The following MROH1 variants were observed in gnomAD, a reference collection of about 807,000 sequenced individuals.
The protein encoded by MROH1 is maestro heat like repeat family member 1, also known as maestro heat-like repeat-containing protein family member 1.
A neutral mutation model predicts 116.5 loss-of-function variants in MROH1; 117 were observed. The observed-to-expected ratio is 1.00, with a 90% CI of 0.86 to 1.17. The LOEUF (loss-of-function observed/expected upper bound fraction) is 1.17. Among genes scored for constraint, MROH1 ranks in the 50% most tolerant of loss-of-function variants. The probability of loss-of-function intolerance (pLI) is 0.00; values close to 1 mark genes in which losing one functional copy is unlikely to be tolerated. For missense variants in MROH1, 1,873 were observed against 1,338.5 expected, an observed-to-expected ratio of 1.40 and a Z score of -6.23; for synonymous variants, 921 against 583.9, an observed-to-expected ratio of 1.58 and a Z score of -8.32.
chr8:144,219,985 G>C (rs142312717), intron 12 of MROH1, among the ~76,000 whole-genome samples: 3 of 152,214 alleles, frequency 2.0e-5, no homozygotes, highest in Non-Finnish European at 4.4e-5. Context: ...AAGGACTGTC[G>C]TGTGGGACAG....
intron 10 of MROH1, chr8:144,192,898 C>A (rs779882290): frequency 3.2e-6 from 1 of 311,302 alleles, no homozygotes; most frequent in Non-Finnish European, 6.2e-6. Flanking sequence ...CTGAGGGATG[C>A]AGGTGCCGGG....
intron 33 of MROH1, 75 bp from the exon 34 acceptor site, chr8:144,254,738 C>T: frequency 1.4e-6 from 1 of 703,320 alleles, no homozygotes; most frequent in Non-Finnish European, 2.6e-6. Flanking sequence ...AGCCAGGGTC[C>T]ACGGCACCCA....
At chr8:144,238,960 T>C (rs1384364740) in intron 15 of MROH1, 75 bp from the exon 16 acceptor site, 8 of 770,344 alleles carry the variant, frequency 1.0e-5, no homozygotes, top group Non-Finnish European at 1.9e-5. Flanking sequence ...GTCTCCACCT[T>C]GGAGCTCCGG....
intron 14 of MROH1, among the ~76,000 whole-genome samples, chr8:144,233,128 C>T (rs142013805): frequency 6.6e-6 from 1 of 152,128 alleles, no homozygotes. Context: ...CAGCACCTGG[C>T]CATGATTGCT....
chr8:144,158,676 T>A (rs1034327987), intron 1 of MROH1, among the ~76,000 whole-genome samples: 1 of 152,210 alleles, frequency 6.6e-6, no homozygotes, highest in African/African-American at 2.4e-5. Flanking sequence ...TATCTTTCTC[T>A]TATTGATATA....
chr8:144,243,829 T>C, intron 25 of MROH1, 34 bp from the exon 26 acceptor site: 1 of 768,192 alleles, frequency 1.3e-6, no homozygotes. Context: ...TGGCGTTTCC[T>C]CCAAGGGCTG....
chr8:144,180,345 G>A lies in MROH1; in HGVS notation c.463+5G>A. 6.2e-7 allele frequency: 1 copy of A among 1,604,896 alleles called. No individual in the cohort carries two copies. Among genetic ancestry groups the A allele is most frequent in the Middle Eastern group, 1.7e-4 (1 of 6,052 alleles). On this transcript the variant is annotated splice_donor_5th_base_variant and intron_variant, in intron 6 of 43. Coordinates refer to ENST00000326134, the MANE Select transcript of MROH1 (RefSeq NM_032450.3). The surrounding 1 kb of genome is among the most constrained non-coding windows in gnomAD (Gnocchi z 7.4). ...CCAGCCTCTCGGTGGCCAACGGTAG[G>A]TGACGCGCGGCCTGCCCCAGGAGGA...
chr8:144,241,193 C>G, intron 21 of MROH1, 82 bp downstream of exon 21: 1 of 709,426 alleles, frequency 1.4e-6, no homozygotes, highest in Non-Finnish European at 2.6e-6. Flanking sequence ...AGGCAGCTGG[C>G]TAGCCTGTGT....
chr8:144,154,920 G>A (rs1817683164), intron 1 of MROH1, among the ~76,000 whole-genome samples: 1 of 152,118 alleles, frequency 6.6e-6, no homozygotes, highest in South Asian at 2.1e-4. Flanking sequence ...CTGGGTTCAA[G>A]CAATTCTCTG....
intron 39 of MROH1, 137 bp downstream of exon 39, chr8:144,260,511 G>T: frequency 1.4e-6 from 1 of 716,194 alleles, no homozygotes; most frequent in African/African-American, 1.7e-5. Context: ...GACCTGCAGG[G>T]CTGCTGCTTT....
intron 14 of MROH1, among the ~76,000 whole-genome samples, chr8:144,235,174 G>T (rs1233320485): frequency 6.6e-6 from 1 of 152,190 alleles, no homozygotes; most frequent in Non-Finnish European, 1.5e-5. Flanking sequence ...AGGATTACAG[G>T]CATAAGCCAC....
At chr8:144,190,426 A>T (rs1436667540) in intron 7 of MROH1, among the ~76,000 whole-genome samples, 1 of 152,168 alleles carries the variant, frequency 6.6e-6, no homozygotes, top group South Asian at 2.1e-4. Context: ...AGGCTAAGGC[A>T]GGAGAATTGC....
At chr8:144,223,949 T>G (rs2132454055) in intron 14 of MROH1, among the ~76,000 whole-genome samples, 2 of 152,300 alleles carry the variant, frequency 1.3e-5, no homozygotes, top group South Asian at 4.1e-4. Context: ...CTGAGCTCAG[T>G]GACTGCATGC....
intron 29 of MROH1, among the ~76,000 whole-genome samples, chr8:144,246,126 T>C (rs1841887654): frequency 6.8e-6 from 1 of 146,800 alleles, no homozygotes; most frequent in Non-Finnish European, 1.5e-5. Flanking sequence ...CTTTCCTTTC[T>C]GAGACCGAGT....
At chr8:144,230,853 C>T (rs1838740959) in intron 14 of MROH1, among the ~76,000 whole-genome samples, 2 of 123,090 alleles carry the variant, frequency 1.6e-5, no homozygotes, top group Non-Finnish European at 3.2e-5. Context: ...GTGTTTCTCG[C>T]AGAGGGGGAT....
chr8:144,194,948 GA>G (rs1307189770), intron 10 of MROH1, among the ~76,000 whole-genome samples: 1 of 151,372 alleles, frequency 6.6e-6, no homozygotes, highest in Non-Finnish European at 1.5e-5. Context: ...CCAGTTACAA[GA>G]CCAACCTACA....
chr8:144,167,617 A>T (rs1362095003), intron 3 of MROH1, among the ~76,000 whole-genome samples: 2 of 152,080 alleles, frequency 1.3e-5, no homozygotes, highest in Non-Finnish European at 2.9e-5. Flanking sequence ...CAGTTGGCAC[A>T]AGTCCCTGGG....
rs1380428164 is a variant in MROH1, at chr8:144,247,557, C to T, written c.3008-10C>T. ...CCTGGGCCCGACTGCTCATTCCTGCCGCCTCTCAGGCTTCTCCCGGGACTA... is the reference window on the plus strand; with the variant it reads ...CCTGGGCCCGACTGCTCATTCCTGCTGCCTCTCAGGCTTCTCCCGGGACTA... On this transcript the variant is annotated splice_polypyrimidine_tract_variant and intron_variant, in intron 30 of 43. Coordinates refer to ENST00000326134, the MANE Select transcript of MROH1 (RefSeq NM_032450.3). The T allele has an allele frequency of 1.6e-5, 12 of 771,786 alleles. No individual in the cohort carries two copies. Among genetic ancestry groups the T allele is most frequent in the African/African-American group, 5.1e-5 (3 of 58,888 alleles). The allele number at this position is 771,786 out of a possible 1,614,324, so 47.8% of individuals were successfully genotyped here. A position where few individuals can be genotyped will look rare whatever the true frequency, so the allele number is the denominator to read the frequency against.
rs541188729 is a variant in MROH1, at chr8:144,179,860, C to T, written c.300+274C>T. 3.9e-3 allele frequency among the ~76,000 whole-genome samples: 591 copies of T among 152,258 alleles called. 2 individuals are homozygous for T. The highest frequency in any genetic ancestry group is 0.014 in the African/African-American group (568 of 41,546). On this transcript the variant is annotated intron_variant, in intron 5 of 43. Coordinates refer to ENST00000326134, the MANE Select transcript of MROH1 (RefSeq NM_032450.3). ...TGCAGCTGGGGCCAAAGGCTGTGCC[C>T]GGCATTGGGGTTGGTGCAGGGCTCT... is the stretch of plus-strand genomic sequence containing the variant.
Sources: allele counts gnomAD v4.1 joint callset (sites outside exome capture counted in the v4.1 genomes callset), GRCh38; gene constraint gnomAD v4.1.1; non-coding constraint Gnocchi (gnomAD v3.1); transcripts MANE v1.5; gene names NCBI Gene and HGNC (gene_info 2026-07-23, HGNC 2026-07-21).